Variants in PLEC observed in about 807,000 individuals in gnomAD.
The protein encoded by PLEC is hemidesmosomal protein 1.
Under a neutral mutation model 392.8 loss-of-function variants are expected in PLEC, and 216 were observed. The observed-to-expected ratio is 0.55, with a 90% CI of 0.49 to 0.62. The LOEUF is 0.62. Ranked by LOEUF, PLEC falls within the 20% of genes least tolerant of loss-of-function variation. The probability of loss-of-function intolerance (pLI) is 0.00; values close to 1 mark genes in which losing one functional copy is unlikely to be tolerated. For missense variants in PLEC, 6,863 were observed against 6,563.4 expected (o/e 1.05, Z -1.58); for synonymous variants, 3,621 against 2,980.6 (o/e 1.21, Z -7.00).
At chr8:143,954,342 G>A (rs1269869737), upstream of PLEC, among the ~76,000 whole-genome samples, 1 of 149,468 alleles carries the variant, frequency 6.7e-6, no homozygotes, top group Non-Finnish European at 1.5e-5. The surrounding 1 kb of genome is among the most constrained non-coding windows in gnomAD (Gnocchi z 4.6). Context: ...TTCCCCGGGC[G>A]TCTCGCCTCT....
rs375565604 is a variant in PLEC at position 143,926,856 on chromosome 8, G to A, written c.3972C>T (p.Ser1324=). The A allele has an allele frequency of 3.0e-5, 48 of 1,613,322 alleles. No homozygotes were observed. Among genetic ancestry groups the A allele is most frequent in the Admixed American group, 2.2e-4 (13 of 60,006 alleles). The stretch of plus-strand genomic sequence containing the variant: ...ACTGGCTCGTCAGTGTGGTCAGCTC[G>A]CTGTAGTGCGTACGCAGGTCCACGT... ...QEYVDLRTHY[S]ELTTLTSQYI... The change falls in exon 30 of 32, where the codon AGC becomes AGT. Residue 1324 remains serine (S), a synonymous_variant. Transcript: ENST00000345136.
intron 25 of PLEC, 86 bp from the exon 26 acceptor site, chr8:143,928,078 G>GT: frequency 6.7e-7 from 1 of 1,486,608 alleles, no homozygotes; most frequent in Non-Finnish European, 9.0e-7. Flanking sequence ...GCGACCCAGG[G>GT]TGCTGCCTGC....
At position 143,923,650 on chromosome 8, in the gene PLEC, C is replaced by T. The variant is rs539190005; in HGVS notation, c.6279G>A (p.Ala2093=). Residue 2093 remains alanine, a synonymous_variant, in exon 31 of 32, where the codon GCG becomes GCA. Coordinates refer to ENST00000345136, the MANE Select transcript of PLEC (RefSeq NM_201384.3). ...AEAARRAAEE[A]EEARVQAERE... ...GCTCCGCCTGCACCCGGGCCTCCTC[C>T]GCCTCCTCAGCCGCCCGCCGGGCCG... The T allele has an allele frequency of 4.8e-5, 76 of 1,575,258 alleles. No individual in the cohort carries two copies. Among genetic ancestry groups the T allele is most frequent in the Non-Finnish European group, 6.2e-5 (72 of 1,168,224 alleles).
rs183816996 is a variant in PLEC, at chr8:143,929,613, C to T, written c.2923+33G>A. ...GGTCACTCCACCGCCCACCTCGCAC[C>T]AGCCCAACCGCCCCAGCCCTGCCGT... On this transcript the variant is annotated intron_variant, in intron 23 of 31. Transcript: ENST00000345136. 3.5e-5 allele frequency: 56 copies of T among 1,609,698 alleles called. No individual in the cohort carries two copies. The African/African-American group carries it at 6.7e-4, about 19-fold the overall frequency.
rs572749914 is a variant in PLEC at position 143,915,163 on chromosome 8, T to G, written c.*1014A>C. On this transcript the variant is annotated 3_prime_UTR_variant, in exon 32 of 32. Coordinates refer to ENST00000345136, the MANE Select transcript of PLEC (RefSeq NM_201384.3). ...GGCCGGAGGCACGGGAAGGTTGGAATTGCTTTTATTGGGGGCGGATACCGC... is the reference window on the plus strand; with the variant it reads ...GGCCGGAGGCACGGGAAGGTTGGAAGTGCTTTTATTGGGGGCGGATACCGC... The G allele has an allele frequency of 1.3e-5, 2 of 152,578 alleles. No individual in the cohort carries two copies. The highest frequency in any genetic ancestry group is 6.5e-5 in the Admixed American group (1 of 15,282). 9.5% of individuals were successfully genotyped at this position (152,578 alleles called of 1,614,324 possible). A position where few individuals can be genotyped will look rare whatever the true frequency, so the allele number is the denominator to read the frequency against.
intron 25 of PLEC, 27 bp from the exon 26 acceptor site, chr8:143,928,019 A>G: frequency 1.3e-6 from 2 of 1,577,948 alleles, no homozygotes; most frequent in Non-Finnish European, 1.7e-6. Context: ...GCTCAGGGCC[A>G]TGACATGGGG....
At chr8:143,974,131 G>A (rs782186393), upstream of PLEC, among the ~76,000 whole-genome samples, 15 of 152,176 alleles carry the variant, frequency 9.9e-5, no homozygotes, top group Non-Finnish European at 1.9e-4. This position sits in a 1 kb window ranked among gnomAD's most constrained non-coding sequence, Gnocchi z 5.9. Context: ...CAAGCTTAAT[G>A]CCATATGTCC....
rs1828291236 is a variant in PLEC, at chr8:143,934,227, CCCGCCGGGGGCGGG to C, written c.1169+77_1169+90del. 1.9e-6 allele frequency: 3 copies of C among 1,601,846 alleles called. No individual in the cohort carries two copies. In the East Asian group the frequency reaches 6.7e-5, roughly 36 times the overall value. On this transcript the variant is annotated intron_variant, in intron 11 of 31. Coordinates refer to ENST00000345136, the MANE Select transcript of PLEC (RefSeq NM_201384.3). The stretch of plus-strand genomic sequence containing the variant: ...TAAGGCGAGTGGGAGCTTGGGTTCC[CCCGCCGGGGGCGGG>C]GCGGGGAGGGGGGTTTCCTTCCCAG...
At position 143,924,365 on chromosome 8, in the gene PLEC, G is replaced by A. The variant is rs782298083; in HGVS notation, c.5564C>T (p.Ala1855Val). The A allele has an allele frequency of 7.5e-6, 12 of 1,596,716 alleles. No homozygotes were observed. The highest frequency in any genetic ancestry group is 2.2e-5 in the East Asian group (1 of 44,758). The change falls in exon 31 of 32, where the codon GCG becomes GTG. Residue 1855 changes from alanine (A) to valine (V), a missense_variant. Transcript: ENST00000345136. ...ATRLKTEAEI[A>V]LKEKEAENER... is the part of the protein sequence containing the mutation. The stretch of plus-strand genomic sequence containing the variant: ...GTTCTCCGCCTCCTTCTCCTTGAGC[G>A]CGATCTCCGCCTCCGTCTTGAGCCG...
rs1554683373 is a variant in PLEC, at chr8:143,920,890, C to T, written c.8931G>A (p.Leu2977=). The change falls in exon 32 of 32, where the codon CTG becomes CTA. Residue 2977 remains leucine, a synonymous_variant. Transcript: ENST00000345136. ...GCTCGGCGGCTGGCACCAGGCTGCG[C>T]AGGCCCTCAAAGCAAAGCCGGCCCT... ...EQKGRLCFEG[L]RSLVPAAELL... 3.1e-6 allele frequency: 5 copies of T among 1,611,716 alleles called. No individual in the cohort carries two copies. The highest frequency in any genetic ancestry group is 3.3e-5 in the Admixed American group (2 of 59,998).
upstream of PLEC, chr8:143,943,933 GAAC>G: frequency 6.3e-7 from 1 of 1,597,566 alleles, no homozygotes; most frequent in Non-Finnish European, 8.5e-7. Flanking sequence ...CCTGCGCTGG[GAAC>G]CGGCTGCTCC....
rs35139934 is a variant in PLEC at position 143,921,796 on chromosome 8, G to A, written c.8025C>T (p.Gly2675=). ...SAEELQRLAQ[G]HTTVDELARR... Reference sequence around the variant, plus strand: ...GTGCGAGCTCGTCCACCGTGGTGTGGCCCTGCGCCAACCGCTGCAGCTCCT... The same window carrying A: ...GTGCGAGCTCGTCCACCGTGGTGTGACCCTGCGCCAACCGCTGCAGCTCCT... The change falls in exon 32 of 32, where the codon GGC becomes GGT. Residue 2675 remains glycine (G), a synonymous_variant. Coordinates refer to ENST00000345136, the MANE Select transcript of PLEC (RefSeq NM_201384.3). The A allele has an allele frequency of 0.065, 104,612 of 1,610,184 alleles. 4,068 individuals are homozygous for A. The highest frequency in any genetic ancestry group is 0.18 in the Middle Eastern group (1,062 of 6,060).
upstream of PLEC, among the ~76,000 whole-genome samples, chr8:143,944,149 C>T (rs539930855): frequency 2.6e-5 from 4 of 152,046 alleles, no homozygotes; most frequent in Non-Finnish European, 5.9e-5. Context: ...GCTGTCCCTG[C>T]GCAGGGCTAC....
In PLEC at chr8:143,924,645, C is replaced by T. The variant is rs886044802; in HGVS notation, c.5284G>A (p.Ala1762Thr). 1 of 1,537,768 alleles carries T rather than the reference C, an allele frequency of 6.5e-7. No homozygotes were observed. The highest frequency in any genetic ancestry group is 8.7e-7 in the Non-Finnish European group (1 of 1,147,948). ...CTGGCCAGCAGCACCTCCATCTCGG[C>T]CCGCACCTTGGCCAGCTCGGCTTCC... ...ELEAELAKVR[A>T]EMEVLLASKA... Residue 1762 changes from alanine to threonine, a missense_variant, in exon 31 of 32, where the codon GCC (alanine) becomes ACC (threonine). By Grantham distance (58) the Ala-to-Thr change is moderately conservative. Transcript: ENST00000345136.
chr8:143,951,867 C>A (rs920376289), upstream of PLEC, among the ~76,000 whole-genome samples: 1 of 151,548 alleles, frequency 6.6e-6, no homozygotes, highest in Non-Finnish European at 1.5e-5. Context: ...CATCATCCAC[C>A]CCCCCCTCCC....
At chr8:143,956,860 C>T (rs1181986111), upstream of PLEC, among the ~76,000 whole-genome samples, 5 of 152,324 alleles carry the variant, frequency 3.3e-5, no homozygotes, top group African/African-American at 1.2e-4. Context: ...GGGGCGGCCA[C>T]GATGACCCTG....
upstream of PLEC, chr8:143,950,929 C>T (rs1382836722): frequency 5.4e-6 from 5 of 927,816 alleles, no homozygotes; most frequent in East Asian, 3.0e-5. Context: ...CCGGCACTGC[C>T]GGCTGCCCGC....
chr8:143,921,419 T>C lies in PLEC; in HGVS notation c.8402A>G (p.His2801Arg), dbSNP rs781841500. Residue 2801 changes from histidine (H) to arginine (R), a missense_variant, in exon 32 of 32, where the codon CAC becomes CGC. By Grantham distance (29) the His-to-Arg change is conservative (BLOSUM62 0). Coordinates refer to ENST00000345136, the MANE Select transcript of PLEC (RefSeq NM_201384.3). ...CTGGGCCTCCAGCAGGCGGATGCCGTGCTCCCGGACGATGAGGCCCTTCTG... is the reference window on the plus strand; with the variant it reads ...CTGGGCCTCCAGCAGGCGGATGCCGCGCTCCCGGACGATGAGGCCCTTCTG... ...AMQKGLIVRE[H>R]GIRLLEAQIA... The C allele has an allele frequency of 3.7e-6, 6 of 1,613,184 alleles. No homozygotes were observed. In the South Asian group the frequency reaches 5.5e-5, roughly 15 times the overall value.
rs1486410694 is a variant in PLEC, at chr8:143,916,235, C to T, written c.13586G>A (p.Arg4529His). The T allele has an allele frequency of 2.0e-5, 31 of 1,546,432 alleles. No individual in the cohort carries two copies. Among genetic ancestry groups the T allele is most frequent in the Admixed American group, 3.9e-5 (2 of 50,930 alleles). ...GGCCGAGGACCCCGAGGCGTAGCGG[C>T]GGCCGTAGCCCGAGGAGGAGTAGGA... ...SSSYSSSGYG[R>H]RYASGSSASL... Residue 4529 changes from arginine (R) to histidine (H), a missense_variant, in exon 32 of 32, where the codon CGC becomes CAC. By Grantham distance (29) the Arg-to-His change is conservative. Transcript: ENST00000345136.
Sources: allele counts gnomAD v4.1 joint callset (sites outside exome capture counted in the v4.1 genomes callset), GRCh38; gene constraint gnomAD v4.1.1; non-coding constraint Gnocchi (gnomAD v3.1); transcripts MANE v1.5; gene names NCBI Gene and HGNC (gene_info 2026-07-23, HGNC 2026-07-21).